SLC39A11: variants seen among roughly 807,000 people sequenced by gnomAD.
SLC39A11 encodes zinc transporter ZIP11.
Under a neutral mutation model 36.1 loss-of-function variants are expected in SLC39A11, and 33 were observed. The ratio of observed to expected loss-of-function variants is 0.91; its 90% confidence interval spans 0.69 to 1.22. The LOEUF (loss-of-function observed/expected upper bound fraction) is 1.22, where lower values mean the gene tolerates loss of function less well. Among genes scored for constraint, SLC39A11 ranks in the 50% most tolerant of loss-of-function variants. The pLI is 0.00. For missense variants in SLC39A11, 432 were observed against 430.3 expected, an observed-to-expected ratio of 1.00 and a Z score of -0.03; for synonymous variants, 166 against 170.3, an observed-to-expected ratio of 0.97 and a Z score of 0.20.
intron 5 of SLC39A11, among the ~76,000 whole-genome samples, chr17:72,904,964 G>A (rs541137928): frequency 6.6e-6 from 1 of 150,666 alleles, no homozygotes; most frequent in Non-Finnish European, 1.5e-5. Flanking sequence ...ACGAGGTCAG[G>A]AGATCGAGAC....
chr17:72,649,612 A>C (rs1598212892), intron 7 of SLC39A11, among the ~76,000 whole-genome samples: 1 of 146,122 alleles, frequency 6.8e-6, no homozygotes, highest in African/African-American at 2.5e-5. Flanking sequence ...TTTACTTTCT[A>C]CGCCTCTGTT....
At chr17:72,983,242 C>A (rs2088468809) in intron 4 of SLC39A11, among the ~76,000 whole-genome samples, 1 of 152,068 alleles carries the variant, frequency 6.6e-6, no homozygotes, top group African/African-American at 2.4e-5. Flanking sequence ...CTCCACCTCC[C>A]AGGTTCAAGC....
chr17:72,870,340 T>C (rs1179601470), intron 5 of SLC39A11, among the ~76,000 whole-genome samples: 1 of 152,070 alleles, frequency 6.6e-6, no homozygotes, highest in Non-Finnish European at 1.5e-5. Flanking sequence ...GCTGTCCCAA[T>C]ACAAATGGAG....
intron 4 of SLC39A11, among the ~76,000 whole-genome samples, chr17:72,996,893 G>A (rs2089549358): frequency 6.6e-6 from 1 of 152,068 alleles, no homozygotes; most frequent in South Asian, 2.1e-4. Context: ...AGGCCTTAGG[G>A]AGCCTTGTTA....
In SLC39A11 at chr17:72,752,016, G is replaced by A. The variant is rs544420516; in HGVS notation, c.602-15297C>T. ...GTGCCACTGACTCCTCAGGTGTCTCGCAGAGCAGGACTCACACAGTATCTG... is the reference window on the plus strand; with the variant it reads ...GTGCCACTGACTCCTCAGGTGTCTCACAGAGCAGGACTCACACAGTATCTG... On this transcript the variant is annotated intron_variant, in intron 6 of 9. Transcript: ENST00000255559. Among the ~76,000 whole-genome samples the A allele has an allele frequency of 9.9e-5, 15 of 152,168 alleles. No individual in the cohort carries two copies. In the East Asian group the frequency reaches 2.5e-3, roughly 26 times the overall value.
chr17:72,691,459 A>G (rs1024216539), intron 7 of SLC39A11, among the ~76,000 whole-genome samples: 1 of 152,218 alleles, frequency 6.6e-6, no homozygotes, highest in Non-Finnish European at 1.5e-5. Context: ...AGACAGATTC[A>G]TCTACTCACT....
chr17:72,938,127 G>A (rs2084885569), intron 5 of SLC39A11, among the ~76,000 whole-genome samples: 1 of 152,170 alleles, frequency 6.6e-6, no homozygotes, highest in South Asian at 2.1e-4. Context: ...GATATGCAGA[G>A]CTATTTTCTT....
intron 3 of SLC39A11, among the ~76,000 whole-genome samples, chr17:73,043,008 G>C (rs1344293349): frequency 6.6e-6 from 1 of 152,158 alleles, no homozygotes; most frequent in Admixed American, 6.5e-5. Context: ...GGATCTGGGC[G>C]CTGCCTCCAG....
Position 72,856,271 on chromosome 17 carries a change from T to C in SLC39A11, c.431-6467A>G, listed in dbSNP as rs114568086. 1.7e-3 allele frequency among the ~76,000 whole-genome samples: 261 copies of C among 152,324 alleles called. 1 individual carries two copies. The highest frequency in any genetic ancestry group is 5.9e-3 in the African/African-American group (245 of 41,560). On this transcript the variant is annotated intron_variant, in intron 5 of 9. Coordinates refer to ENST00000255559, the MANE Select transcript of SLC39A11 (RefSeq NM_139177.4). ...TAAGTATATTTATTTATGGGGCAAATGACATTTCTCTTAATGGGTATTTCT... is the reference window on the plus strand; with the variant it reads ...TAAGTATATTTATTTATGGGGCAAACGACATTTCTCTTAATGGGTATTTCT...
At chr17:73,070,320 T>C (rs1410149253) in intron 3 of SLC39A11, among the ~76,000 whole-genome samples, 2 of 152,150 alleles carry the variant, frequency 1.3e-5, no homozygotes, top group Admixed American at 6.5e-5. Flanking sequence ...CCAACACTAA[T>C]GTCAAGTATG....
At chr17:72,865,118 T>C (rs1156771707) in intron 5 of SLC39A11, among the ~76,000 whole-genome samples, 1 of 152,136 alleles carries the variant, frequency 6.6e-6, no homozygotes, top group African/African-American at 2.4e-5. Flanking sequence ...AAGGAAATCA[T>C]TAATGATGAG....
chr17:73,035,863 C>CAAAAAAAAA (rs1174297357), intron 3 of SLC39A11, among the ~76,000 whole-genome samples: 1 of 65,548 alleles, frequency 1.5e-5, no homozygotes, highest in Admixed American at 2.3e-4. Context: ...CACTCCATCT[C>CAAAAAAAAA]AAAAAAAAAA....
intron 9 of SLC39A11, 53 bp downstream of exon 9, chr17:72,648,750 G>A (rs1380763801): frequency 6.3e-7 from 1 of 1,599,082 alleles, no homozygotes. Flanking sequence ...CCCAAGGCTG[G>A]GGTCCCAGCT....
chr17:72,796,773 C>T (rs762824866), intron 6 of SLC39A11, among the ~76,000 whole-genome samples: 1 of 152,154 alleles, frequency 6.6e-6, no homozygotes, highest in Non-Finnish European at 1.5e-5. Flanking sequence ...TCCTGAGTAG[C>T]TGGGATTACA....
intron 6 of SLC39A11, among the ~76,000 whole-genome samples, chr17:72,755,523 T>A (rs1379320637): frequency 6.6e-6 from 1 of 152,212 alleles, no homozygotes; most frequent in Non-Finnish European, 1.5e-5. Context: ...CAAGGTACCA[T>A]CCAGCAAGGG....
chr17:73,053,739 G>A (rs1274428710), intron 3 of SLC39A11, among the ~76,000 whole-genome samples: 2 of 152,256 alleles, frequency 1.3e-5, no homozygotes, highest in African/African-American at 4.8e-5. Flanking sequence ...AAGGGCTCCA[G>A]CCCATGGTGC....
At chr17:72,866,794 C>A (rs2080324680) in intron 5 of SLC39A11, among the ~76,000 whole-genome samples, 1 of 152,162 alleles carries the variant, frequency 6.6e-6, no homozygotes, top group African/African-American at 2.4e-5. Context: ...TTTCTATTAA[C>A]CTACACATTT....
chr17:72,672,936 A>T (rs2071084838), intron 7 of SLC39A11, among the ~76,000 whole-genome samples: 1 of 151,426 alleles, frequency 6.6e-6, no homozygotes, highest in South Asian at 2.1e-4. Flanking sequence ...TATTTAACAC[A>T]CTCATACCTA....
intron 6 of SLC39A11, among the ~76,000 whole-genome samples, chr17:72,766,952 C>T (rs1568054948): frequency 1.3e-5 from 2 of 152,112 alleles, no homozygotes; most frequent in Non-Finnish European, 1.5e-5. Context: ...GGAGAGATGT[C>T]ACCCTCAAGA....
Sources: allele counts gnomAD v4.1 joint callset (sites outside exome capture counted in the v4.1 genomes callset), GRCh38; gene constraint gnomAD v4.1.1; transcripts MANE v1.5; gene names NCBI Gene and HGNC (gene_info 2026-07-23, HGNC 2026-07-21).